The following PDC variants were observed in gnomAD, a reference collection of about 807,000 sequenced individuals.
The protein encoded by PDC is 33 kDa phototransducing protein.
A neutral mutation model predicts 22.2 loss-of-function variants in PDC; 19 were observed. The observed-to-expected ratio is 0.86, with a 90% CI of 0.60 to 1.26. The LOEUF (loss-of-function observed/expected upper bound fraction) is 1.26, where lower values mean the gene tolerates loss of function less well. Among genes scored for constraint, PDC ranks in the 50% most tolerant of loss-of-function variants. PDC has a pLI of 0.00. For missense variants in PDC, 274 were observed against 286.8 expected, an observed-to-expected ratio of 0.96 and a Z score of 0.32; for synonymous variants, 97 against 96.2, an observed-to-expected ratio of 1.01 and a Z score of -0.05.
chr1:186,454,003 T>G (rs917221671), intron 1 of PDC, among the ~76,000 whole-genome samples: 8 of 152,144 alleles, frequency 5.3e-5, no homozygotes, highest in Non-Finnish European at 4.4e-5. Flanking sequence ...AATTTTTTTG[T>G]ATATGCATTA....
chr1:186,446,574 G>A lies in PDC; in HGVS notation c.65C>T (p.Pro22Leu). 6.6e-7 allele frequency: 1 copy of A among 1,515,626 alleles called. No homozygotes were observed. Among genetic ancestry groups the A allele is most frequent in the South Asian group, 1.2e-5 (1 of 80,476 alleles). The allele number at this position is 1,515,626 out of a possible 1,614,324, so 93.9% of individuals were successfully genotyped here. ...TCTCCAATCATTTATTACTCCTTTG[G>A]GTCCTGGAATGAAATTAAAAATAAA... ...DFEGQATHTG[P>L]KGVINDWRKF... Residue 22 changes from proline to leucine, a missense_variant, in exon 3 of 4, where the codon CCC (proline) becomes CTC (leucine). Physicochemically the swap from Pro to Leu is moderately conservative, Grantham distance 98 (BLOSUM62 -3). Transcript: ENST00000391997.
rs1260265164 is a variant in PDC at position 186,446,468 on chromosome 1, C to T, written c.171G>A (p.Gln57=). The T allele has an allele frequency of 1.9e-6, 3 of 1,608,970 alleles. No individual in the cohort carries two copies. Among genetic ancestry groups the T allele is most frequent in the South Asian group, 2.2e-5 (2 of 90,618 alleles). ...KEILRQMSSP[Q]SRNGKDSKER... ...CCTTTGAATCTTTGCCATTCCTACT[C>T]TGAGGAGAAGACATTTGCCTGAGAA... Residue 57 remains glutamine (Q), a synonymous_variant, in exon 3 of 4, where the codon CAG becomes CAA. Transcript: ENST00000391997.
At chr1:186,453,098 C>G (rs1419407974) in intron 1 of PDC, among the ~76,000 whole-genome samples, 2 of 151,908 alleles carry the variant, frequency 1.3e-5, no homozygotes, top group African/African-American at 4.8e-5. Context: ...AGAATTTTAC[C>G]AAGTTAGGGT....
chr1:186,444,805 A>G (rs1393036573), intron 3 of PDC, among the ~76,000 whole-genome samples: 1 of 152,172 alleles, frequency 6.6e-6, no homozygotes, highest in African/African-American at 2.4e-5. Flanking sequence ...TTTTTTGAAT[A>G]TCCAAAAAAT....
At chr1:186,456,067 C>T (rs1379051644) in intron 1 of PDC, among the ~76,000 whole-genome samples, 2 of 138,396 alleles carry the variant, frequency 1.4e-5, no homozygotes, top group African/African-American at 5.5e-5. Context: ...ATACAAATGC[C>T]AGTTACTTAT....
chr1:186,454,339 C>T (rs1662415761), intron 1 of PDC, among the ~76,000 whole-genome samples: 1 of 151,788 alleles, frequency 6.6e-6, no homozygotes, highest in Non-Finnish European at 1.5e-5. Context: ...CCACTATGCC[C>T]AGCTAATTTT....
In PDC at chr1:186,444,503, T is replaced by C. The variant is rs1460595053; in HGVS notation, c.217A>G (p.Ser73Gly). The change falls in exon 4 of 4, where the codon AGC becomes GGC. Residue 73 changes from serine (S) to glycine (G), a missense_variant. Transcript: ENST00000391997. ...TGGATTAGTTCATATTCTTGAATGCTCATCTGAGAATAAAGAAATGATAGA... is the reference window on the plus strand; with the variant it reads ...TGGATTAGTTCATATTCTTGAATGCCCATCTGAGAATAAAGAAATGATAGA... ...DSKERVSRKM[S>G]IQEYELIHKE... 1.3e-6 allele frequency: 2 copies of C among 1,568,324 alleles called. No individual in the cohort carries two copies. Among genetic ancestry groups the C allele is most frequent in the Non-Finnish European group, 1.7e-6 (2 of 1,143,508 alleles).
chr1:186,450,539 C>T (rs1662332667), intron 1 of PDC, among the ~76,000 whole-genome samples: 1 of 151,810 alleles, frequency 6.6e-6, no homozygotes, highest in African/African-American at 2.4e-5. Flanking sequence ...TGGTATGTTG[C>T]CCAGGCTAGT....
At chr1:186,458,904 G>A (rs893031976) in intron 1 of PDC, among the ~76,000 whole-genome samples, 1 of 152,194 alleles carries the variant, frequency 6.6e-6, no homozygotes, top group African/African-American at 2.4e-5. Context: ...GCTCACGCCT[G>A]TAATCCCAAC....
At position 186,455,971 on chromosome 1, in the gene PDC, C is replaced by CAAAAAAAA. The variant is rs1213649798; in HGVS notation, c.-25+5080_-25+5087dup. On this transcript the variant is annotated intron_variant, in intron 1 of 3. Transcript: ENST00000391997. ...TGGGCAACAGAGCGCGACTCCGTCTCAAAAAAAAAAAAAAAAAAAAAAAAT... is the reference window on the plus strand; with the variant it reads ...TGGGCAACAGAGCGCGACTCCGTCTCAAAAAAAAAAAAAAAAAAAAAAAAAAAAAAAAT... Among the ~76,000 whole-genome samples, 31 of 8,654 alleles carry CAAAAAAAA rather than the reference C, an allele frequency of 3.6e-3. 9 individuals carry two copies. The highest frequency in any genetic ancestry group is 5.7e-3 in the Non-Finnish European group (25 of 4,420). The allele number at this position is 8,654 out of a possible 152,430, so 5.7% of individuals were successfully genotyped here.
Position 186,455,731 on chromosome 1 carries a change from G to A in PDC, c.-25+5328C>T, listed in dbSNP as rs184233685. 1.5e-3 allele frequency among the ~76,000 whole-genome samples: 225 copies of A among 148,762 alleles called. 1 individual carries two copies. The highest frequency in any genetic ancestry group is 2.5e-3 in the Non-Finnish European group (172 of 67,514). On this transcript the variant is annotated intron_variant, in intron 1 of 3. Coordinates refer to ENST00000391997, the MANE Select transcript of PDC (RefSeq NM_002597.5). Reference sequence around the variant, plus strand: ...AGTCCCAGCCCTTTGGGAGGCCGAGGCGGGCGGATCACGAGGTCAGGAGAT... The same window carrying A: ...AGTCCCAGCCCTTTGGGAGGCCGAGACGGGCGGATCACGAGGTCAGGAGAT...
rs1662178595 is a variant in PDC, at chr1:186,444,468, T to C, written c.252A>G (p.Lys84=). The change falls in exon 4 of 4, where the codon AAA becomes AAG. Residue 84 remains lysine, a synonymous_variant. Coordinates refer to ENST00000391997, the MANE Select transcript of PDC (RefSeq NM_002597.5). ...IQEYELIHKE[K]EDENCLRKYR... The stretch of plus-strand genomic sequence containing the variant: ...ATTTACGAAGGCAGTTTTCATCCTC[T>C]TTCTCTTTATGGATTAGTTCATATT... The C allele has an allele frequency of 6.2e-7, 1 of 1,606,580 alleles. No homozygotes were observed. The highest frequency in any genetic ancestry group is 1.3e-5 in the African/African-American group (1 of 74,918).
At chr1:186,454,168 CTTTTTT>C (rs397860509) in intron 1 of PDC, among the ~76,000 whole-genome samples, 1,877 of 94,292 alleles carry the variant, frequency 0.02, 51 homozygotes, top group African/African-American at 0.077. Flanking sequence ...TCTTTTCTTT[CTTTTTT>C]TTTTTTTTTT....
At chr1:186,450,822 CAT>C (rs1216942016) in intron 1 of PDC, among the ~76,000 whole-genome samples, 1 of 152,166 alleles carries the variant, frequency 6.6e-6, no homozygotes, top group Admixed American at 6.5e-5. Context: ...TACATACTAA[CAT>C]ATTCCCTCAG....
intron 1 of PDC, among the ~76,000 whole-genome samples, chr1:186,458,146 T>G (rs1571727787): frequency 6.6e-6 from 1 of 151,502 alleles, no homozygotes; most frequent in African/African-American, 2.4e-5. Flanking sequence ...AATATGAGCT[T>G]TAAAAGTCAT....
intron 1 of PDC, among the ~76,000 whole-genome samples, chr1:186,459,436 C>T (rs1413728331): frequency 6.6e-6 from 1 of 152,160 alleles, no homozygotes; most frequent in African/African-American, 2.4e-5. Flanking sequence ...GCCGGGATTG[C>T]AGACATACAG....
At chr1:186,455,970 T>C (rs1662456850) in intron 1 of PDC, among the ~76,000 whole-genome samples, 1 of 3,016 alleles carries the variant, frequency 3.3e-4, no homozygotes, top group Admixed American at 5.1e-3. Context: ...CGACTCCGTC[T>C]CAAAAAAAAA....
intron 1 of PDC, among the ~76,000 whole-genome samples, chr1:186,459,784 AAAATGGAC>A (rs1662544571): frequency 1.4e-5 from 2 of 145,446 alleles, no homozygotes; most frequent in African/African-American, 2.5e-5. Context: ...ATATATATTT[AAAATGGAC>A]TCTATAGTTA....
intron 1 of PDC, among the ~76,000 whole-genome samples, chr1:186,460,606 C>T (rs1662562683): frequency 6.6e-6 from 1 of 152,126 alleles, no homozygotes; most frequent in South Asian, 2.1e-4. Flanking sequence ...TCAGTTTTAT[C>T]TATGGTTTTA....
Sources: gnomAD v4.1 joint callset for allele counts (sites outside exome capture counted in the v4.1 genomes callset) on GRCh38, gnomAD v4.1.1 for gene constraint, MANE v1.5 for transcripts, NCBI Gene and HGNC (gene_info 2026-07-23, HGNC 2026-07-21) for gene names.